The following SLC5A12 variants were observed in gnomAD, a reference collection of about 807,000 sequenced individuals.
SLC5A12 encodes solute carrier family 5 member 12.
SLC5A12 carries 46 observed loss-of-function variants against 72.7 expected under a neutral mutation model. That is an observed-to-expected ratio of 0.63 (90% CI 0.50 to 0.81). The LOEUF (loss-of-function observed/expected upper bound fraction) is 0.81, where lower values mean the gene tolerates loss of function less well. Ranked by LOEUF, SLC5A12 falls within the 30% of genes least tolerant of loss-of-function variation. The probability of loss-of-function intolerance (pLI) is 0.00; values close to 1 mark genes in which losing one functional copy is unlikely to be tolerated. For synonymous variants in SLC5A12, 275 were observed against 264.4 expected, an observed-to-expected ratio of 1.04 and a Z score of -0.39; for missense variants, 683 against 740.7, an observed-to-expected ratio of 0.92 and a Z score of 0.90.
In SLC5A12 at chr11:26,712,716, A is replaced by T. The variant is rs762004655; in HGVS notation, c.340-10T>A. ...ATCGTAGTTGTAAGTACTAAAGGAAACAGAAAGACATGCAGAGTCAGTGAG... is the reference window on the plus strand; with the variant it reads ...ATCGTAGTTGTAAGTACTAAAGGAATCAGAAAGACATGCAGAGTCAGTGAG... On this transcript the variant is annotated splice_polypyrimidine_tract_variant and intron_variant, in intron 1 of 14. Transcript: ENST00000396005. The T allele has an allele frequency of 1.0e-4, 162 of 1,574,574 alleles. No individual in the cohort carries two copies. Among genetic ancestry groups the T allele is most frequent in the Non-Finnish European group, 1.4e-4 (160 of 1,151,242 alleles).
intron 10 of SLC5A12, among the ~76,000 whole-genome samples, chr11:26,685,870 C>T (rs1854520120): frequency 6.6e-6 from 1 of 152,086 alleles, no homozygotes; most frequent in Non-Finnish European, 1.5e-5. Flanking sequence ...CCATAAGGTT[C>T]CTTTTAGCAC....
chr11:26,688,891 T>C (rs1352879724), intron 9 of SLC5A12, among the ~76,000 whole-genome samples: 1 of 152,086 alleles, frequency 6.6e-6, no homozygotes, highest in Non-Finnish European at 1.5e-5. Context: ...AGAAGACTTG[T>C]GCAAGAGTAT....
intron 1 of SLC5A12, among the ~76,000 whole-genome samples, chr11:26,717,975 C>T (rs1855390424): frequency 6.6e-6 from 1 of 152,152 alleles, no homozygotes; most frequent in South Asian, 2.1e-4. Context: ...GCCTAGGCTC[C>T]AAGCTCACAG....
At chr11:26,680,158 G>T (rs1007272360) in intron 12 of SLC5A12, among the ~76,000 whole-genome samples, 3 of 151,100 alleles carry the variant, frequency 2.0e-5, no homozygotes, top group African/African-American at 7.3e-5. Context: ...TCAGAAAAGG[G>T]CTACTAAAAA....
intron 4 of SLC5A12, among the ~76,000 whole-genome samples, chr11:26,706,205 G>A (rs1279486822): frequency 6.6e-6 from 1 of 152,034 alleles, no homozygotes; most frequent in Non-Finnish European, 1.5e-5. Flanking sequence ...AATTTGACGA[G>A]AGAGAAGAAC....
chr11:26,693,594 A>G (rs1854735909), intron 8 of SLC5A12, among the ~76,000 whole-genome samples: 1 of 152,172 alleles, frequency 6.6e-6, no homozygotes, highest in South Asian at 2.1e-4. Flanking sequence ...TAGCTAGTGG[A>G]ACAGATAATA....
At chr11:26,717,654 C>A (rs558839808) in intron 1 of SLC5A12, among the ~76,000 whole-genome samples, 1 of 152,092 alleles carries the variant, frequency 6.6e-6, no homozygotes, top group Non-Finnish European at 1.5e-5. Flanking sequence ...ATATAACACT[C>A]GCCTCCAAAC....
intron 4 of SLC5A12, among the ~76,000 whole-genome samples, chr11:26,707,793 T>A (rs1362537939): frequency 6.6e-6 from 1 of 152,070 alleles, no homozygotes. Flanking sequence ...CTATTTTGTA[T>A]TTTTTATGAT....
intron 1 of SLC5A12, among the ~76,000 whole-genome samples, chr11:26,717,987 A>G (rs1317305914): frequency 6.6e-6 from 1 of 152,192 alleles, no homozygotes; most frequent in African/African-American, 2.4e-5. Flanking sequence ...AGCTCACAGA[A>G]CATCACTTTG....
chr11:26,689,606 T>C (rs1422104140), intron 9 of SLC5A12, among the ~76,000 whole-genome samples: 1 of 152,178 alleles, frequency 6.6e-6, no homozygotes, highest in East Asian at 1.9e-4. Context: ...CACAGGTGTA[T>C]GCATTCGTCA....
Position 26,671,044 on chromosome 11 carries a change from AGTTT to A in SLC5A12, c.*54_*57del. Reference sequence around the variant, plus strand: ...TAACAAGTAGGCAAGAAGTATGTGGAGTTTGTGTGTGTGTGTGTGTATTGCACGT... The same window carrying A: ...TAACAAGTAGGCAAGAAGTATGTGGAGTGTGTGTGTGTGTGTATTGCACGT... On this transcript the variant is annotated 3_prime_UTR_variant, in exon 15 of 15. Transcript: ENST00000396005. The A allele has an allele frequency of 1.1e-6, 1 of 950,824 alleles. No individual in the cohort carries two copies. The highest frequency in any genetic ancestry group is 2.8e-5 in the Admixed American group (1 of 36,212). The allele number at this position is 950,824 out of a possible 1,614,324, so 58.9% of individuals were successfully genotyped here. A position where few individuals can be genotyped will look rare whatever the true frequency, so the allele number is the denominator to read the frequency against.
chr11:26,691,168 T>C (rs1017784795), intron 9 of SLC5A12, among the ~76,000 whole-genome samples: 4 of 151,966 alleles, frequency 2.6e-5, no homozygotes, highest in Non-Finnish European at 5.9e-5. Flanking sequence ...AATATACAAA[T>C]CATTACTATC....
At chr11:26,679,287 C>A (rs117874662) in intron 12 of SLC5A12, among the ~76,000 whole-genome samples, 4 of 152,038 alleles carry the variant, frequency 2.6e-5, no homozygotes, top group South Asian at 2.1e-4. Context: ...CAGACCAATG[C>A]GTGAGATGAT....
intron 2 of SLC5A12, among the ~76,000 whole-genome samples, chr11:26,711,589 T>A (rs1045172335): frequency 6.6e-6 from 1 of 152,076 alleles, no homozygotes; most frequent in Admixed American, 6.6e-5. Flanking sequence ...GCTACTAATT[T>A]TGAGATATTA....
At chr11:26,690,510 A>G (rs1247748015) in intron 9 of SLC5A12, among the ~76,000 whole-genome samples, 2 of 151,768 alleles carry the variant, frequency 1.3e-5, no homozygotes, top group East Asian at 1.9e-4. Flanking sequence ...AGTGAACTAT[A>G]TAAGAAAAAC....
chr11:26,680,339 GTA>G (rs1213827822), intron 12 of SLC5A12, among the ~76,000 whole-genome samples: 2 of 129,162 alleles, frequency 1.5e-5, no homozygotes, highest in African/African-American at 3.0e-5. Flanking sequence ...ATATATATAT[GTA>G]TATATATTCA....
chr11:26,707,320 G>T (rs907634368), intron 4 of SLC5A12, among the ~76,000 whole-genome samples: 1 of 151,694 alleles, frequency 6.6e-6, no homozygotes. Context: ...CTGCTTTAAG[G>T]TTACACTTTC....
Position 26,669,955 on chromosome 11 carries a change from C to A in SLC5A12, c.*1147G>T, listed in dbSNP as rs979056057. The A allele has an allele frequency of 1.3e-5, 2 of 152,104 alleles. No homozygotes were observed. Among genetic ancestry groups the A allele is most frequent in the Non-Finnish European group, 2.9e-5 (2 of 67,994 alleles). 9.4% of individuals were successfully genotyped at this position (152,104 alleles called of 1,614,324 possible). ...GGCCCCTGTGACATACTGGTTCTTT[C>A]TTTTACCTTTTCAGAATTTCACTTC... On this transcript the variant is annotated 3_prime_UTR_variant, in exon 15 of 15. Transcript: ENST00000396005.
At position 26,703,602 on chromosome 11, in the gene SLC5A12, G is replaced by C; in HGVS notation, c.750C>G (p.Leu250=). 6.2e-7 allele frequency: 1 copy of C among 1,613,902 alleles called. No homozygotes were observed. Among genetic ancestry groups the C allele is most frequent in the Non-Finnish European group, 8.5e-7 (1 of 1,179,956 alleles). The change falls in exon 6 of 15, where the codon CTC becomes CTG. Residue 250 remains leucine, a synonymous_variant. Transcript: ENST00000396005. ...TTGATTGATTGACCCCATAGATTCC[G>C]AGCCAAGTAAAAGTTCCTCCCACTG... ...TITVGGTFTW[L]GIYGVNQSTI...
Sources: allele counts gnomAD v4.1 joint callset (sites outside exome capture counted in the v4.1 genomes callset), GRCh38; gene constraint gnomAD v4.1.1; transcripts MANE v1.5; gene names NCBI Gene and HGNC (gene_info 2026-07-23, HGNC 2026-07-21).